STK26: variants seen among roughly 807,000 people sequenced by gnomAD.
STK26 encodes the protein serine/threonine-protein kinase 26.
A neutral mutation model predicts 34.7 loss-of-function variants in STK26; 14 were observed. The ratio of observed to expected loss-of-function variants is 0.40; its 90% CI spans 0.27 to 0.63. The LOEUF (loss-of-function observed/expected upper bound fraction) is 0.63, where lower values mean the gene tolerates loss of function less well. Among genes scored for constraint, STK26 ranks in the 30% least tolerant of loss-of-function variants. The probability of loss-of-function intolerance (pLI) is 0.38; values close to 1 mark genes in which losing one functional copy is unlikely to be tolerated. For synonymous variants in STK26, 100 were observed against 109.8 expected (o/e 0.91, Z 0.56); for missense variants, 226 against 309.1 (o/e 0.73, Z 2.02).
At chrX:132,056,334 G>A (rs997521675) in intron 3 of STK26, among the ~76,000 whole-genome samples, 2 of 112,180 alleles carry the variant, frequency 1.8e-5, no homozygotes, top group Admixed American at 9.5e-5. Flanking sequence ...GACAGTGTGA[G>A]AGCAATGGCT....
rs760501879 is a variant in STK26 at position 132,068,285 on chromosome X, A to G, written c.401A>G (p.Tyr134Cys). Residue 134 changes from tyrosine to cysteine, a missense_variant, in exon 5 of 12, where the codon TAT becomes TGT. Tyr to Cys is a radical substitution (Grantham distance 194). Coordinates refer to ENST00000394334, the MANE Select transcript of STK26 (RefSeq NM_016542.4). ...MLKEILKGLDYLHSEKKIHRD... is the reference protein window; with the variant it reads ...MLKEILKGLDCLHSEKKIHRD... ...AAGGAAATTTTAAAAGGTCTGGACTATCTGCATTCAGAAAAGAAAATTCAC... is the reference window on the plus strand; with the variant it reads ...AAGGAAATTTTAAAAGGTCTGGACTGTCTGCATTCAGAAAAGAAAATTCAC... 1.7e-6 allele frequency: 2 copies of G among 1,206,400 alleles called. No individual in the cohort carries two copies. The highest frequency in any genetic ancestry group is 2.2e-5 in the Admixed American group (1 of 44,852).
intron 2 of STK26, among the ~76,000 whole-genome samples, chrX:132,042,190 A>G (rs5977615): frequency 0.063 from 7,029 of 111,069 alleles, 232 homozygotes; most frequent in African/African-American, 0.12. Flanking sequence ...CAGAAATCTT[A>G]GTTCAAGAAT....
chrX:132,053,889 G>A (rs1223125050), intron 2 of STK26, among the ~76,000 whole-genome samples: 3 of 112,013 alleles, frequency 2.7e-5, no homozygotes, highest in African/African-American at 6.5e-5. Context: ...ATAAATCTAC[G>A]TCATGCCTAT....
chrX:132,023,461 G>T, intron 1 of STK26, 47 bp from the exon 2 acceptor site: 1 of 687,055 alleles, frequency 1.5e-6, no homozygotes, highest in Non-Finnish European at 2.3e-6. Context: ...CTAGCCCCGG[G>T]CTACGCGCCG....
intron 3 of STK26, among the ~76,000 whole-genome samples, chrX:132,062,093 T>G (rs1386520715): frequency 8.9e-6 from 1 of 112,308 alleles, no homozygotes; most frequent in Non-Finnish European, 1.9e-5. Context: ...CCCCAGGAAC[T>G]TAGACATTAT....
At chrX:132,038,599 T>C (rs1926148317) in intron 2 of STK26, among the ~76,000 whole-genome samples, 1 of 111,336 alleles carries the variant, frequency 9.0e-6, no homozygotes. Flanking sequence ...AAAATAAATA[T>C]TTTTCATTAA....
chrX:132,074,206 C>G lies in STK26; in HGVS notation c.*47C>G, dbSNP rs763824211. 6 of 1,148,763 alleles carry G rather than the reference C, an allele frequency of 5.2e-6. No individual in the cohort carries two copies. In the African/African-American group the frequency reaches 9.0e-5, roughly 17 times the overall value. 94.7% of individuals were successfully genotyped at this position (1,148,763 alleles called of 1,213,427 possible). A position where few individuals can be genotyped will look rare whatever the true frequency, so the allele number is the denominator to read the frequency against. On this transcript the variant is annotated 3_prime_UTR_variant, in exon 12 of 12. Transcript: ENST00000394334. ...TTTCATATGGACCCAGAGAGCCCCA[C>G]CAAACCTACGTCAAGATTAACAATG...
chrX:132,074,152 C>A lies in STK26; in HGVS notation c.1244C>A (p.Ser415Tyr), dbSNP rs779679751. 3 of 1,202,555 alleles carry A rather than the reference C, an allele frequency of 2.5e-6. No homozygotes were observed. Among genetic ancestry groups the A allele is most frequent in the African/African-American group, 3.5e-5 (2 of 56,686 alleles). Reference protein sequence around the residue: ...EKFQKCSADESP With the variant: ...EKFQKCSADEYP The stretch of plus-strand genomic sequence containing the variant: ...TTTTATAGGTGTTCAGCAGACGAAT[C>A]CCCCTAAGAAACTTATTATTGGCTT... The change falls in exon 12 of 12, where the codon TCC becomes TAC. Residue 415 changes from serine to tyrosine, a missense_variant. This residue lies in a region of STK26 where 126 missense variants were observed against 132.4 expected (regional missense o/e 0.95). Transcript: ENST00000394334.
At chrX:132,028,280 A>G (rs1925686854) in intron 2 of STK26, among the ~76,000 whole-genome samples, 1 of 110,972 alleles carries the variant, frequency 9.0e-6, no homozygotes, top group South Asian at 3.8e-4. Flanking sequence ...ACCAGGCTTA[A>G]TAATTAGCTA....
intron 2 of STK26, among the ~76,000 whole-genome samples, chrX:132,048,565 G>T (rs897831583): frequency 9.0e-6 from 1 of 111,393 alleles, no homozygotes; most frequent in African/African-American, 3.3e-5. Context: ...ACCTCTCCAG[G>T]GTATAGTTTC....
chrX:132,053,866 C>T (rs778838898), intron 2 of STK26, among the ~76,000 whole-genome samples: 49 of 111,935 alleles, frequency 4.4e-4, no homozygotes, highest in African/African-American at 1.6e-3. Flanking sequence ...AATCAGGAAA[C>T]AACAGTGAAT....
chrX:132,025,267 G>C (rs181092010), intron 2 of STK26, among the ~76,000 whole-genome samples: 1 of 111,694 alleles, frequency 9.0e-6, no homozygotes, highest in Non-Finnish European at 1.9e-5. Context: ...CATGCTTCTC[G>C]CTCCATTGTG....
intron 3 of STK26, among the ~76,000 whole-genome samples, chrX:132,056,371 A>C (rs1338053160): frequency 8.9e-6 from 1 of 112,145 alleles, no homozygotes; most frequent in Non-Finnish European, 1.9e-5. Flanking sequence ...TTCTGGCTCC[A>C]ATGAGGGCAT....
intron 11 of STK26, among the ~76,000 whole-genome samples, 197 bp from the exon 12 acceptor site, chrX:132,073,938 A>C (rs1009863095): frequency 3.6e-5 from 4 of 111,672 alleles, no homozygotes; most frequent in African/African-American, 1.3e-4. Context: ...TTTGAAAACA[A>C]ATCAATCGGA....
chrX:132,073,004 A>G lies in STK26; in HGVS notation c.1137A>G (p.Glu379=). 1 of 1,211,067 alleles carries G rather than the reference A, an allele frequency of 8.3e-7. No homozygotes were observed. The highest frequency in any genetic ancestry group is 2.2e-5 in the Admixed American group (1 of 46,023). The change falls in exon 11 of 12, where the codon GAA becomes GAG. Residue 379 remains glutamate, a synonymous_variant. Coordinates refer to ENST00000394334, the MANE Select transcript of STK26 (RefSeq NM_016542.4). ...ENNASRNQAI[E]ELEKSIAVAE... ...ACGCTAGCAGGAATCAGGCGATTGAAGAACTCGAGAAAAGTATTGCTGTGG... is the reference window on the plus strand; with the variant it reads ...ACGCTAGCAGGAATCAGGCGATTGAGGAACTCGAGAAAAGTATTGCTGTGG...
intron 2 of STK26, among the ~76,000 whole-genome samples, chrX:132,040,186 A>G (rs1330662247): frequency 8.9e-6 from 1 of 112,798 alleles, no homozygotes; most frequent in Non-Finnish European, 1.9e-5. Context: ...AAAGCCTGAA[A>G]TATTTAGCAT....
intron 2 of STK26, among the ~76,000 whole-genome samples, chrX:132,034,442 G>T (rs1925969767): frequency 9.3e-6 from 1 of 106,963 alleles, no homozygotes; most frequent in Non-Finnish European, 1.9e-5. Context: ...GAGTAGCTGG[G>T]ACTACAGGCA....
rs1374000983 is a variant in STK26 at position 132,044,796 on chromosome X, TAGAG to T, written c.43-9829_43-9826del. Among the ~76,000 whole-genome samples, 16 of 35,341 alleles carry T rather than the reference TAGAG, an allele frequency of 4.5e-4. 1 individual carries two copies. Among genetic ancestry groups the T allele is most frequent in the African/African-American group, 2.2e-3 (15 of 6,873 alleles). The allele number at this position is 35,341 out of a possible 115,157, so 30.7% of individuals were successfully genotyped here. A position where few individuals can be genotyped will look rare whatever the true frequency, so the allele number is the denominator to read the frequency against. On this transcript the variant is annotated intron_variant, in intron 2 of 11. Transcript: ENST00000394334. ...AGATCTATATATATATTTATATATA[TAGAG>T]AGAGATCTATATATATATTTATATA...
intron 2 of STK26, among the ~76,000 whole-genome samples, chrX:132,053,913 T>C (rs575586612): frequency 4.6e-4 from 52 of 112,507 alleles, no homozygotes; most frequent in African/African-American, 1.5e-3. Flanking sequence ...TTTGTTAACC[T>C]TGAAAGCCTA....
Sources: gnomAD v4.1 joint callset for allele counts (sites outside exome capture counted in the v4.1 genomes callset) on GRCh38, gnomAD v4.1.1 for gene constraint, gnomAD v4.1.1 regional missense constraint, MANE v1.5 for transcripts, NCBI Gene and HGNC (gene_info 2026-07-23, HGNC 2026-07-21) for gene names.